CCDC138: variants seen among roughly 807,000 people sequenced by gnomAD.
CCDC138 encodes the protein coiled-coil domain containing 138.
In CCDC138, 66 loss-of-function variants were observed where a neutral mutation model predicts 82.3. The observed-to-expected ratio is 0.80, with a 90% CI of 0.66 to 0.98. The LOEUF (loss-of-function observed/expected upper bound fraction) is 0.98. Among genes scored for constraint, CCDC138 ranks in the 50% least tolerant of loss-of-function variants. CCDC138 has a pLI of 0.00. For missense variants in CCDC138, 816 were observed against 758.9 expected (o/e 1.08, Z -0.88); for synonymous variants, 297 against 265.4 (o/e 1.12, Z -1.16).
At chr2:108,852,959 T>TA (rs1691769848) in intron 12 of CCDC138, among the ~76,000 whole-genome samples, 1 of 152,192 alleles carries the variant, frequency 6.6e-6, no homozygotes, top group Non-Finnish European at 1.5e-5. Flanking sequence ...ACTGAGAGGA[T>TA]ATAGGCACAA....
intron 7 of CCDC138, 34 bp downstream of exon 7, chr2:108,805,042 A>G (rs1682629548): frequency 1.7e-6 from 2 of 1,156,210 alleles, no homozygotes; most frequent in African/African-American, 1.6e-5. Context: ...TGAACATAAG[A>G]CATTCTAAGA....
At position 108,798,492 on chromosome 2, in the gene CCDC138, A is replaced by G. The variant is rs757541435; in HGVS notation, c.641A>G (p.Glu214Gly). Reference sequence around the variant, plus strand: ...CAAAAGCGAGAACGTTTTTTACTTGAAAGAGAACAACTGCTTTTCAGACAT... The same window carrying G: ...CAAAAGCGAGAACGTTTTTTACTTGGAAGAGAACAACTGCTTTTCAGACAT... ...ELQKRERFLL[E>G]REQLLFRHEN... is the part of the protein sequence containing the mutation. Residue 214 changes from glutamate (E) to glycine (G), a missense_variant, in exon 6 of 15, where the codon GAA becomes GGA. Transcript: ENST00000295124. 24 of 1,613,934 alleles carry G rather than the reference A, an allele frequency of 1.5e-5. No individual in the cohort carries two copies. In the Admixed American group the frequency reaches 4.0e-4, roughly 27 times the overall value.
chr2:108,862,672 T>C (rs893200565), intron 13 of CCDC138, among the ~76,000 whole-genome samples: 2 of 152,236 alleles, frequency 1.3e-5, no homozygotes, highest in Non-Finnish European at 2.9e-5. Flanking sequence ...GGTAAAGATA[T>C]ATAATTTTCA....
chr2:108,810,502 G>A (rs1489811202), intron 7 of CCDC138, among the ~76,000 whole-genome samples: 2 of 152,106 alleles, frequency 1.3e-5, no homozygotes, highest in Admixed American at 1.3e-4. Flanking sequence ...CTGTGTCCCT[G>A]GGATAAATCT....
chr2:108,846,533 T>G (rs1574198851), intron 11 of CCDC138, among the ~76,000 whole-genome samples: 4 of 144,452 alleles, frequency 2.8e-5, no homozygotes, highest in African/African-American at 2.5e-5. Flanking sequence ...AAAAAAAACC[T>G]GAGTGTGGTA....
intron 10 of CCDC138, among the ~76,000 whole-genome samples, chr2:108,826,676 A>G (rs900771206): frequency 5.3e-5 from 8 of 152,130 alleles, no homozygotes; most frequent in African/African-American, 1.9e-4. Context: ...AATTTTGAAA[A>G]CAAAGTGTGA....
chr2:108,877,475 A>T (rs1213399884), downstream of CCDC138, among the ~76,000 whole-genome samples: 1 of 152,142 alleles, frequency 6.6e-6, no homozygotes, highest in African/African-American at 2.4e-5. Flanking sequence ...CAAAAAAATA[A>T]AAATAAATAA....
At chr2:108,829,336 A>G (rs1317027530) in intron 10 of CCDC138, among the ~76,000 whole-genome samples, 14 of 152,238 alleles carry the variant, frequency 9.2e-5, no homozygotes. Context: ...GAACCTAAAT[A>G]GCTATTTCTC....
chr2:108,845,394 A>G (rs999181105), intron 11 of CCDC138, among the ~76,000 whole-genome samples: 2 of 152,142 alleles, frequency 1.3e-5, no homozygotes, highest in African/African-American at 2.4e-5. Flanking sequence ...TGCAGGATCA[A>G]TACTGAGTTA....
intron 9 of CCDC138, among the ~76,000 whole-genome samples, chr2:108,813,758 C>T (rs1684296470): frequency 6.6e-6 from 1 of 152,176 alleles, no homozygotes; most frequent in South Asian, 2.1e-4. Flanking sequence ...GAACTTTCCA[C>T]TATCCTAGAA....
rs137909632 is a variant in CCDC138 at position 108,788,057 on chromosome 2, CTAAGTA to C, written c.124_129del (p.Tyr42_Lys43del). 495 of 1,590,494 alleles carry C rather than the reference CTAAGTA, an allele frequency of 3.1e-4. No homozygotes were observed. Among genetic ancestry groups the C allele is most frequent in the Non-Finnish European group, 3.8e-4 (446 of 1,170,090 alleles). On this transcript the variant is annotated inframe_deletion, in exon 2 of 15. Coordinates refer to ENST00000295124, the MANE Select transcript of CCDC138 (RefSeq NM_144978.3). ...TATGATTTTTCAAATTTTTATCAGT[CTAAGTA>C]TAAGAGAAGAACTCTAACCTCCCCA...
At chr2:108,819,447 A>G (rs993861287) in intron 10 of CCDC138, among the ~76,000 whole-genome samples, 4 of 152,188 alleles carry the variant, frequency 2.6e-5, no homozygotes, top group African/African-American at 4.8e-5. Flanking sequence ...AGGGAATGGT[A>G]GCATAGTTTG....
intron 10 of CCDC138, among the ~76,000 whole-genome samples, chr2:108,826,001 A>G (rs1467846716): frequency 6.6e-6 from 1 of 152,174 alleles, no homozygotes; most frequent in Admixed American, 6.5e-5. Flanking sequence ...TGTTTCCCTG[A>G]TGACTAATGT....
intron 10 of CCDC138, among the ~76,000 whole-genome samples, chr2:108,818,997 A>G (rs1302816425): frequency 6.6e-6 from 1 of 152,232 alleles, no homozygotes; most frequent in Non-Finnish European, 1.5e-5. Context: ...AAATTGAGAT[A>G]CAAAAATTCA....
chr2:108,804,107 A>T (rs1033292489), intron 6 of CCDC138, among the ~76,000 whole-genome samples: 1 of 152,012 alleles, frequency 6.6e-6, no homozygotes, highest in Non-Finnish European at 1.5e-5. Context: ...ATCTATTTTT[A>T]TTAAGTATAA....
intron 10 of CCDC138, among the ~76,000 whole-genome samples, chr2:108,829,262 G>C (rs1167768416): frequency 6.6e-6 from 1 of 151,982 alleles, no homozygotes; most frequent in Non-Finnish European, 1.5e-5. Context: ...CAATATATAA[G>C]GAACTCCTTC....
At chr2:108,853,125 G>T (rs975013764) in intron 12 of CCDC138, among the ~76,000 whole-genome samples, 12 of 152,278 alleles carry the variant, frequency 7.9e-5, no homozygotes, top group African/African-American at 2.6e-4. Context: ...AATGAGAAAA[G>T]ATAAATAGCT....
Position 108,876,184 on chromosome 2 carries a change from T to G in CCDC138, c.1929T>G (p.Asn643Lys), listed in dbSNP as rs1696004282. The G allele has an allele frequency of 6.2e-7, 1 of 1,613,560 alleles. No homozygotes were observed. The highest frequency in any genetic ancestry group is 2.2e-5 in the East Asian group (1 of 44,804). ...TNPEHAFLCI[N>K]LNSTLFNLGL... ...CAGAGCATGCATTTCTCTGTATTAA[T>G]CTAAATTCAACTCTGTTCAATCTGG... The change falls in exon 15 of 15, where the codon AAT (asparagine) becomes AAG (lysine). Residue 643 changes from asparagine (N) to lysine (K), a missense_variant. Physicochemically the swap from Asn to Lys is moderately conservative, Grantham distance 94 (BLOSUM62 0). Transcript: ENST00000295124.
At chr2:108,787,196 T>TGA (rs1678998641) in intron 1 of CCDC138, among the ~76,000 whole-genome samples, 2 of 152,318 alleles carry the variant, frequency 1.3e-5, no homozygotes, top group South Asian at 4.1e-4. Context: ...TGCAGTGATG[T>TGA]GAGTGGAGTT....
Sources: gnomAD v4.1 joint callset for allele counts (sites outside exome capture counted in the v4.1 genomes callset) on GRCh38, gnomAD v4.1.1 for gene constraint, MANE v1.5 for transcripts, NCBI Gene and HGNC (gene_info 2026-07-23, HGNC 2026-07-21) for gene names.